The following DNAH8 variants were observed in gnomAD, a reference collection of about 807,000 sequenced individuals.
DNAH8 encodes the protein dynein axonemal heavy chain 8, also known as axonemal beta dynein heavy chain 8.
In DNAH8, 382 loss-of-function variants were observed where a neutral mutation model predicts 562.1. The ratio of observed to expected loss-of-function variants is 0.68; its 90% CI spans 0.63 to 0.74. The LOEUF is 0.74. DNAH8 is among the 30% of genes least tolerant of loss of function. DNAH8 has a pLI of 0.00. For missense variants in DNAH8, 5,203 were observed against 5,620.4 expected (o/e 0.93, Z 2.37); for synonymous variants, 1,881 against 1,919.4 (o/e 0.98, Z 0.52).
intron 32 of DNAH8, among the ~76,000 whole-genome samples, chr6:38,837,150 C>T (rs1357520825): frequency 1.3e-5 from 2 of 152,114 alleles, no homozygotes; most frequent in African/African-American, 2.4e-5. Context: ...AGAGTTCATT[C>T]GAGTTCACCT....
intron 1 of DNAH8, among the ~76,000 whole-genome samples, chr6:38,717,503 G>A (rs994414173): frequency 1.3e-5 from 2 of 151,684 alleles, no homozygotes; most frequent in South Asian, 2.1e-4. Flanking sequence ...TTTTGCATTT[G>A]TTGTCAAGAC....
At chr6:38,778,276 G>A (rs1394654553) in intron 13 of DNAH8, 112 bp from the exon 14 acceptor site, 1 of 581,700 alleles carries the variant, frequency 1.7e-6, no homozygotes, top group Non-Finnish European at 3.0e-6. Context: ...GATGGTAGAT[G>A]TGTTTGAGGC....
chr6:38,790,309 A>C lies in DNAH8; in HGVS notation c.2685A>C (p.Gln895His). 1 of 1,607,214 alleles carries C rather than the reference A, an allele frequency of 6.2e-7. No individual in the cohort carries two copies. Among genetic ancestry groups the C allele is most frequent in the Non-Finnish European group, 8.5e-7 (1 of 1,176,668 alleles). The change falls in exon 20 of 93, where the codon CAA (glutamine) becomes CAC (histidine). Residue 895 changes from glutamine (Q) to histidine (H), a missense_variant. Physicochemically the swap from Gln to His is conservative, Grantham distance 24. Around this residue, in one of 6 missense-constraint regions of DNAH8, gnomAD observed 2,176 missense variants for 2,365.1 expected, o/e 0.92. Transcript: ENST00000327475. ...TCTAGGTGGAATCTGTGTTGAGGCA[A>C]GGACTCACAGTGTTAACATGGTCGT... ...KMKKVESVLRQGLTVLTWSSL... is the reference protein window; with the variant it reads ...KMKKVESVLRHGLTVLTWSSL...
chr6:39,010,820 CGTATGTATGTATGT>C (rs1483075285), intron 89 of DNAH8, among the ~76,000 whole-genome samples: 55 of 132,758 alleles, frequency 4.1e-4, no homozygotes, highest in Non-Finnish European at 4.0e-4. Context: ...CACACACACA[CGTATGTATGTATGT>C]ATGTATGTAT....
intron 91 of DNAH8, among the ~76,000 whole-genome samples, chr6:39,025,331 C>T (rs1293669486): frequency 6.6e-6 from 1 of 152,230 alleles, no homozygotes; most frequent in African/African-American, 2.4e-5. Flanking sequence ...CAATGTCCAG[C>T]CTCCCCCACA....
At position 38,842,931 on chromosome 6, in the gene DNAH8, T is replaced by A. The variant is rs111896816; in HGVS notation, c.4845+28T>A. On this transcript the variant is annotated intron_variant, in intron 35 of 92. Coordinates refer to ENST00000327475, the MANE Select transcript of DNAH8 (RefSeq NM_001206927.2). Reference sequence around the variant, plus strand: ...ACATAAGTGTATACGTTCTTATCAATGATCCATTAAAGAATGTCTGCTTTT... The same window carrying A: ...ACATAAGTGTATACGTTCTTATCAAAGATCCATTAAAGAATGTCTGCTTTT... 2.4e-5 allele frequency: 39 copies of A among 1,603,942 alleles called. No individual in the cohort carries two copies. In the African/African-American group the frequency reaches 2.5e-4, roughly 10 times the overall value.
Position 38,937,876 on chromosome 6 carries a change from T to C in DNAH8, c.11564-98T>C, listed in dbSNP as rs539020485. 7 of 1,429,722 alleles carry C rather than the reference T, an allele frequency of 4.9e-6. No individual in the cohort carries two copies. In the South Asian group the frequency reaches 9.5e-5, roughly 19 times the overall value. The allele number at this position is 1,429,722 out of a possible 1,614,324, so 88.6% of individuals were successfully genotyped here. On this transcript the variant is annotated intron_variant, in intron 77 of 92. Transcript: ENST00000327475. ...TCTTCCTGACTTTGGAGACATCAAG[T>C]TGAAAGCTAACAGCGTTTTTTTTTT... is the stretch of plus-strand genomic sequence containing the variant.
In DNAH8 at chr6:38,756,911, C is replaced by A. The variant is rs137896537; in HGVS notation, c.1515+832C>A. Reference sequence around the variant, plus strand: ...TGTATGTGCCACATTTTCTTAATCCCGTCTATCATTGTTGGACATTTGGCT... The same window carrying A: ...TGTATGTGCCACATTTTCTTAATCCAGTCTATCATTGTTGGACATTTGGCT... On this transcript the variant is annotated intron_variant, in intron 10 of 92. Transcript: ENST00000327475. 0.011 allele frequency among the ~76,000 whole-genome samples: 1,647 copies of A among 151,118 alleles called. 84 individuals carry two copies. The East Asian group carries it at 0.15, about 13-fold the overall frequency.
At chr6:38,838,183 A>G in intron 33 of DNAH8, 141 bp downstream of exon 33, 3 of 583,752 alleles carry the variant, frequency 5.1e-6, no homozygotes, top group Non-Finnish European at 8.8e-6. Flanking sequence ...TATTCCAGCT[A>G]TTCTTTACAA....
chr6:38,919,642 T>G (rs780598345), intron 70 of DNAH8, among the ~76,000 whole-genome samples: 1 of 152,194 alleles, frequency 6.6e-6, no homozygotes, highest in Non-Finnish European at 1.5e-5. Context: ...TATTCAATGG[T>G]AAAAGAGGAC....
intron 40 of DNAH8, 78 bp downstream of exon 40, chr6:38,852,876 GA>G (rs1261355295): frequency 2.7e-6 from 3 of 1,114,648 alleles, no homozygotes; most frequent in African/African-American, 1.6e-5. Context: ...TTCTCTTACA[GA>G]AAAAAACAGG....
At chr6:38,762,991 T>C in intron 11 of DNAH8, 2 of 389,014 alleles carry the variant, frequency 5.1e-6, no homozygotes, top group African/African-American at 2.2e-5. Flanking sequence ...ATGCAGTTCT[T>C]GGACTTAGCC....
At chr6:38,742,650 T>G (rs188299556) in intron 8 of DNAH8, among the ~76,000 whole-genome samples, 153 of 152,224 alleles carry the variant, frequency 1.0e-3, no homozygotes, top group African/African-American at 3.5e-3. Context: ...CACAGAAAAA[T>G]AAACTAATAC....
At chr6:38,785,667 G>A (rs1199442523) in intron 17 of DNAH8, among the ~76,000 whole-genome samples, 4 of 150,586 alleles carry the variant, frequency 2.7e-5, no homozygotes, top group African/African-American at 4.9e-5. Flanking sequence ...GGTGTGTGCC[G>A]TTCCCCTCCC....
At chr6:38,959,685 A>G (rs1367817475) in intron 82 of DNAH8, among the ~76,000 whole-genome samples, 1 of 152,148 alleles carries the variant, frequency 6.6e-6, no homozygotes, top group Non-Finnish European at 1.5e-5. Context: ...TAAAATGTCC[A>G]TAGCTACCCA....
In DNAH8 at chr6:38,937,986, A is replaced by G. The variant is rs1437696608; in HGVS notation, c.11576A>G (p.Asp3859Gly). Residue 3859 changes from aspartate (D) to glycine (G), a missense_variant, in exon 78 of 93, where the codon GAT (aspartate) becomes GGT (glycine). By Grantham distance (94) the Asp-to-Gly change is moderately conservative. This residue lies in a region of DNAH8 where 1,399 missense variants were observed against 1,518.4 expected (regional missense o/e 0.92). Transcript: ENST00000327475. ...KLSATKGSLV[D>G]DESLIGVLRT... ...TTTTGAATTTCAGGCTCATTGGTAG[A>G]TGACGAATCTCTCATTGGTGTACTT... is the stretch of plus-strand genomic sequence containing the variant. The G allele has an allele frequency of 1.2e-6, 2 of 1,613,606 alleles. No homozygotes were observed. The highest frequency in any genetic ancestry group is 2.2e-5 in the South Asian group (2 of 91,038).
intron 77 of DNAH8, among the ~76,000 whole-genome samples, chr6:38,937,728 T>G (rs1170910100): frequency 6.6e-6 from 1 of 152,078 alleles, no homozygotes; most frequent in African/African-American, 2.4e-5. Flanking sequence ...TCTTTTGCTT[T>G]TTGCAGATGT....
Position 38,870,476 on chromosome 6 carries a change from T to C in DNAH8, c.6904T>C (p.Tyr2302His), listed in dbSNP as rs1195094013. The change falls in exon 49 of 93, where the codon TAT (tyrosine) becomes CAT (histidine). Residue 2302 changes from tyrosine (Y) to histidine (H), a missense_variant. Around this residue, in one of 6 missense-constraint regions of DNAH8, gnomAD observed 2,176 missense variants for 2,365.1 expected, o/e 0.92. Coordinates refer to ENST00000327475, the MANE Select transcript of DNAH8 (RefSeq NM_001206927.2). ...AGGACTGCAACTGGATAGTAATACT[T>C]ATGCAGAACTGCAAAACGCAGTAGC... ...FPGLQLDSNT[Y>H]AELQNAVAHQ... 2 of 1,614,106 alleles carry C rather than the reference T, an allele frequency of 1.2e-6. No individual in the cohort carries two copies. Among genetic ancestry groups the C allele is most frequent in the Non-Finnish European group, 1.7e-6 (2 of 1,179,982 alleles).
At chr6:38,829,160 C>T (rs1421880615) in intron 30 of DNAH8, among the ~76,000 whole-genome samples, 68 of 152,094 alleles carry the variant, frequency 4.5e-4, no homozygotes, top group Non-Finnish European at 1.5e-5. Context: ...AATTTAAATC[C>T]TTTGCTTGAT....
Sources: allele counts gnomAD v4.1 joint callset (sites outside exome capture counted in the v4.1 genomes callset), GRCh38; gene constraint gnomAD v4.1.1; regional missense constraint gnomAD v4.1.1; transcripts MANE v1.5; gene names NCBI Gene and HGNC (gene_info 2026-07-23, HGNC 2026-07-21).